CSMD3: variants seen among roughly 807,000 people sequenced by gnomAD.
CSMD3 encodes CUB and sushi domain-containing protein 3.
In CSMD3, 177 loss-of-function variants were observed where a neutral mutation model predicts 435.2. The observed-to-expected ratio is 0.41, with a 90% CI of 0.36 to 0.46. CSMD3 has a LOEUF of 0.46. Ranked by LOEUF, CSMD3 falls within the 20% of genes least tolerant of loss-of-function variation. The probability of loss-of-function intolerance (pLI) is 0.34; values close to 1 mark genes in which losing one functional copy is unlikely to be tolerated. For synonymous variants in CSMD3, 1,656 were observed against 1,520.5 expected (o/e 1.09, Z -2.07); for missense variants, 4,265 against 4,504.6 (o/e 0.95, Z 1.52).
At chr8:113,159,737 A>G (rs1188051238) in intron 4 of CSMD3, among the ~76,000 whole-genome samples, 1 of 152,076 alleles carries the variant, frequency 6.6e-6, no homozygotes, top group African/African-American at 2.4e-5. Context: ...TATAGGATTT[A>G]ACCTGAATTT....
At chr8:112,376,400 G>A (rs189197805) in intron 38 of CSMD3, among the ~76,000 whole-genome samples, 1 of 152,114 alleles carries the variant, frequency 6.6e-6, no homozygotes, top group African/African-American at 2.4e-5. Context: ...TACATTTATT[G>A]TATCTGAAGT....
At chr8:113,383,770 C>T (rs1231957630) in intron 1 of CSMD3, among the ~76,000 whole-genome samples, 1 of 152,170 alleles carries the variant, frequency 6.6e-6, no homozygotes, top group Non-Finnish European at 1.5e-5. Context: ...CAGTTTTTCA[C>T]AGGCTGATCA....
chr8:112,590,260 A>G (rs1403795166), intron 22 of CSMD3, among the ~76,000 whole-genome samples: 1 of 152,102 alleles, frequency 6.6e-6, no homozygotes, highest in East Asian at 1.9e-4. Flanking sequence ...AATCACTCAA[A>G]TAAAAATATA....
At position 112,314,348 on chromosome 8, in the gene CSMD3, G is replaced by A. The variant is rs1221086239; in HGVS notation, c.7549+81C>T. 4.8e-6 allele frequency: 5 copies of A among 1,049,382 alleles called. No individual in the cohort carries two copies. The East Asian group carries it at 1.2e-4, about 25-fold the overall frequency. The allele number at this position is 1,049,382 out of a possible 1,614,324, so 65.0% of individuals were successfully genotyped here. On this transcript the variant is annotated intron_variant, in intron 48 of 70. Coordinates refer to ENST00000297405, the MANE Select transcript of CSMD3 (RefSeq NM_198123.2). ...GTAAGATAAACTCACATAAGCAGCT[G>A]TTTATACTCAAAGTTTACATGTATA...
chr8:112,614,629 C>T (rs902875045), intron 22 of CSMD3, among the ~76,000 whole-genome samples: 2 of 152,048 alleles, frequency 1.3e-5, no homozygotes, highest in African/African-American at 4.8e-5. Context: ...TCTGTTCCAT[C>T]TAGAGCTTTT....
intron 5 of CSMD3, among the ~76,000 whole-genome samples, chr8:113,046,859 A>G (rs1429968685): frequency 1.3e-5 from 2 of 152,118 alleles, no homozygotes; most frequent in African/African-American, 2.4e-5. Flanking sequence ...TCTCTCACAA[A>G]AGGTCTAGGG....
intron 1 of CSMD3, among the ~76,000 whole-genome samples, chr8:113,361,628 G>A (rs117431495): frequency 6.6e-6 from 1 of 152,096 alleles, no homozygotes; most frequent in Non-Finnish European, 1.5e-5. Flanking sequence ...CCAATGTACT[G>A]TTATTTTATC....
chr8:113,084,939 T>C (rs1015922941), intron 5 of CSMD3, among the ~76,000 whole-genome samples: 1 of 151,856 alleles, frequency 6.6e-6, no homozygotes, highest in African/African-American at 2.4e-5. Flanking sequence ...GACCCATATC[T>C]CTCTCTATTT....
rs74994741 is a variant in CSMD3, at chr8:113,002,717, A to T, written c.1030+16350T>A. Among the ~76,000 whole-genome samples, 1,011 of 152,154 alleles carry T rather than the reference A, an allele frequency of 6.6e-3. 12 individuals carry two copies. The highest frequency in any genetic ancestry group is 0.023 in the African/African-American group (969 of 41,526). ...TTATAACTTTATCACATGTTATACA[A>T]CCTCTTTCTTGTGTTTTTTGACATT... On this transcript the variant is annotated intron_variant, in intron 6 of 70. Transcript: ENST00000297405.
At chr8:112,940,433 C>T (rs775231045) in intron 9 of CSMD3, among the ~76,000 whole-genome samples, 1 of 151,690 alleles carries the variant, frequency 6.6e-6, no homozygotes, top group Non-Finnish European at 1.5e-5. Flanking sequence ...TCAATTAAGG[C>T]CTTTCCCACA....
chr8:112,418,271 A>T (rs1043710264), intron 32 of CSMD3, among the ~76,000 whole-genome samples: 10 of 152,142 alleles, frequency 6.6e-5, no homozygotes, highest in Non-Finnish European at 1.5e-4. Context: ...TATTATTATT[A>T]TACTTTAAGT....
chr8:113,329,299 G>A (rs2094009451), intron 1 of CSMD3, among the ~76,000 whole-genome samples: 1 of 151,628 alleles, frequency 6.6e-6, no homozygotes, highest in Non-Finnish European at 1.5e-5. Flanking sequence ...TGAGAAATTA[G>A]CTTAAAATAA....
intron 35 of CSMD3, among the ~76,000 whole-genome samples, chr8:112,393,540 AG>A (rs2129784949): frequency 6.6e-6 from 1 of 152,294 alleles, no homozygotes; most frequent in South Asian, 2.1e-4. Context: ...TGAGCAGACA[AG>A]GTCACCCTTT....
At chr8:113,404,646 T>G (rs1015178782) in intron 1 of CSMD3, among the ~76,000 whole-genome samples, 1 of 151,278 alleles carries the variant, frequency 6.6e-6, no homozygotes, top group Non-Finnish European at 1.5e-5. Context: ...AGCAAACATT[T>G]TTTTCTTCTA....
intron 22 of CSMD3, among the ~76,000 whole-genome samples, chr8:112,613,929 C>T (rs1271236789): frequency 6.6e-6 from 1 of 152,008 alleles, no homozygotes; most frequent in Non-Finnish European, 1.5e-5. Context: ...TTGAGACCAA[C>T]CTGTGCAACA....
At chr8:112,971,101 T>C (rs1199219507) in intron 7 of CSMD3, among the ~76,000 whole-genome samples, 1 of 152,198 alleles carries the variant, frequency 6.6e-6, no homozygotes, top group Non-Finnish European at 1.5e-5. Context: ...CCCTCTACTG[T>C]AATTCAATAA....
chr8:112,503,498 G>T (rs1264969584), intron 30 of CSMD3, among the ~76,000 whole-genome samples: 1 of 151,976 alleles, frequency 6.6e-6, no homozygotes, highest in Non-Finnish European at 1.5e-5. Flanking sequence ...GGCTTTTTTT[G>T]TATTTTTTAT....
chr8:113,327,889 AG>A (rs2093994994), intron 1 of CSMD3, among the ~76,000 whole-genome samples: 1 of 152,162 alleles, frequency 6.6e-6, no homozygotes, highest in Non-Finnish European at 1.5e-5. Context: ...ACGTGCTCAC[AG>A]GGGGCTTTGA....
At chr8:113,404,026 A>T (rs1383081544) in intron 1 of CSMD3, among the ~76,000 whole-genome samples, 1 of 151,462 alleles carries the variant, frequency 6.6e-6, no homozygotes, top group Non-Finnish European at 1.5e-5. Context: ...CTTCCTTGAA[A>T]TGTTACTTTT....
Sources: gnomAD v4.1 joint callset for allele counts (sites outside exome capture counted in the v4.1 genomes callset) on GRCh38, gnomAD v4.1.1 for gene constraint, MANE v1.5 for transcripts, NCBI Gene and HGNC (gene_info 2026-07-23, HGNC 2026-07-21) for gene names.